MRPS9: variants seen among roughly 807,000 people sequenced by gnomAD.
The protein encoded by MRPS9 is mitochondrial ribosomal protein S9.
MRPS9 carries 45 observed loss-of-function variants against 59.9 expected under a neutral mutation model. That is an observed-to-expected ratio of 0.75 (90% CI 0.59 to 0.96). The LOEUF is 0.96. MRPS9 is among the 40% of genes least tolerant of loss of function. The pLI, the probability that MRPS9 is intolerant of heterozygous loss-of-function variation, is 0.00. For missense variants in MRPS9, 473 were observed against 481.1 expected (o/e 0.98, Z 0.16); for synonymous variants, 171 against 166.8 (o/e 1.03, Z -0.19).
intron 4 of MRPS9, among the ~76,000 whole-genome samples, chr2:105,072,984 C>A (rs1680141925): frequency 6.6e-6 from 1 of 152,096 alleles, no homozygotes; most frequent in Admixed American, 6.6e-5. Context: ...TAAAAATGCA[C>A]ATCACTTTTG....
At chr2:105,064,425 TGTGA>T (rs10610801) in intron 2 of MRPS9, among the ~76,000 whole-genome samples, 30,115 of 151,918 alleles carry the variant, frequency 0.2, 3,084 homozygotes, top group Middle Eastern at 0.35. Context: ...AGGACAGGAA[TGTGA>T]GTGAGAATTG....
intron 1 of MRPS9, among the ~76,000 whole-genome samples, chr2:105,042,727 C>G (rs1679523191): frequency 6.6e-6 from 1 of 152,218 alleles, no homozygotes; most frequent in African/African-American, 2.4e-5. Context: ...AACATTCTCA[C>G]TTTAACATCA....
intron 2 of MRPS9, among the ~76,000 whole-genome samples, chr2:105,052,305 T>G (rs962815614): frequency 6.6e-6 from 1 of 152,212 alleles, no homozygotes; most frequent in Non-Finnish European, 1.5e-5. Context: ...ATACCTAGTT[T>G]GTTGAACTTT....
At chr2:105,058,688 T>C (rs1016303292) in intron 2 of MRPS9, among the ~76,000 whole-genome samples, 4 of 150,756 alleles carry the variant, frequency 2.7e-5, no homozygotes, top group African/African-American at 9.8e-5. Flanking sequence ...CTTTTTTTTT[T>C]TTTTCGAGAC....
intron 2 of MRPS9, among the ~76,000 whole-genome samples, 177 bp from the exon 3 acceptor site, chr2:105,071,136 A>T (rs1016892653): frequency 3.9e-5 from 6 of 152,182 alleles, no homozygotes; most frequent in South Asian, 2.1e-4. Flanking sequence ...TAATAGTTAA[A>T]TTTTTTTCTT....
At chr2:105,063,292 A>G (rs2104449757) in intron 2 of MRPS9, among the ~76,000 whole-genome samples, 1 of 152,340 alleles carries the variant, frequency 6.6e-6, no homozygotes, top group Admixed American at 6.5e-5. Context: ...ACAAACAAAA[A>G]TTTATTAAAA....
Position 105,054,633 on chromosome 2 carries a change from T to C in MRPS9, c.315+5283T>C, listed in dbSNP as rs527744715. On this transcript the variant is annotated intron_variant, in intron 2 of 10. Transcript: ENST00000258455. ...ATAGCGGGCCCCTTTTGGTATCGCATTTTATTAAATATAGCGGGCCCCTTT... is the reference window on the plus strand; with the variant it reads ...ATAGCGGGCCCCTTTTGGTATCGCACTTTATTAAATATAGCGGGCCCCTTT... Among the ~76,000 whole-genome samples the C allele has an allele frequency of 4.5e-3, 623 of 137,800 alleles. 11 individuals are homozygous for C. Among genetic ancestry groups the C allele is most frequent in the African/African-American group, 0.016 (580 of 35,158 alleles). 90.4% of individuals were successfully genotyped at this position (137,800 alleles called of 152,430 possible).
Position 105,097,297 on chromosome 2 carries a change from G to A in MRPS9, c.1072G>A (p.Glu358Lys), listed in dbSNP as rs375392443. Reference protein sequence around the residue: ...MAKALCSFVTEDEVEWMRQAG... With the variant: ...MAKALCSFVTKDEVEWMRQAG... ...AAAAGCCTTGTGCAGCTTTGTCACC[G>A]AGGACGAGGTCGAGTGGATGAGACA... The change falls in exon 10 of 11, where the codon GAG becomes AAG. Residue 358 changes from glutamate (E) to lysine (K), a missense_variant. Physicochemically the swap from Glu to Lys is moderately conservative, Grantham distance 56 (BLOSUM62 1). Transcript: ENST00000258455. The A allele has an allele frequency of 1.9e-5, 31 of 1,610,222 alleles. No homozygotes were observed. Among genetic ancestry groups the A allele is most frequent in the South Asian group, 8.8e-5 (8 of 90,424 alleles).
In MRPS9 at chr2:105,079,818, C is replaced by T. The variant is rs56775896; in HGVS notation, c.410-165C>T. On this transcript the variant is annotated intron_variant, in intron 4 of 10. Coordinates refer to ENST00000258455, the MANE Select transcript of MRPS9 (RefSeq NM_182640.3). ...AAATATTTAATATCCTAAATATTTG[C>T]ATATAAATATGCTAAACTAAATATT... 4.0e-3 allele frequency among the ~76,000 whole-genome samples: 601 copies of T among 151,962 alleles called. 20 individuals are homozygous for T. In the East Asian group the frequency reaches 0.088, roughly 22 times the overall value.
Position 105,097,201 on chromosome 2 carries a change from C to A in MRPS9, c.976C>A (p.His326Asn). ...PFHFVDRLGK[H>N]DVTCTVSGGG... ...CCACTTTGTTGACCGGCTGGGAAAG[C>A]ACGACGTGACCTGCACAGTCTCAGG... The change falls in exon 10 of 11, where the codon CAC (histidine) becomes AAC (asparagine). Residue 326 changes from histidine to asparagine, a missense_variant. Coordinates refer to ENST00000258455, the MANE Select transcript of MRPS9 (RefSeq NM_182640.3). The A allele has an allele frequency of 6.2e-7, 1 of 1,602,264 alleles. No homozygotes were observed. The highest frequency in any genetic ancestry group is 1.7e-5 in the Admixed American group (1 of 57,880).
chr2:105,072,718 C>G (rs2104455368), intron 4 of MRPS9, among the ~76,000 whole-genome samples: 1 of 152,228 alleles, frequency 6.6e-6, no homozygotes, highest in African/African-American at 2.4e-5. Flanking sequence ...GCAGATATTT[C>G]TATAGAAGAC....
chr2:105,066,859 A>G (rs1306411345), intron 2 of MRPS9, among the ~76,000 whole-genome samples: 1 of 152,204 alleles, frequency 6.6e-6, no homozygotes, highest in Non-Finnish European at 1.5e-5. Context: ...TTGCTGAGAC[A>G]GGTTGTGTTT....
chr2:105,082,659 TAC>T (rs927979064), intron 5 of MRPS9, among the ~76,000 whole-genome samples: 3 of 152,062 alleles, frequency 2.0e-5, no homozygotes, highest in Admixed American at 1.3e-4. Flanking sequence ...AAATATAAGG[TAC>T]AGTTTATTGT....
chr2:105,060,618 G>A (rs1679883403), intron 2 of MRPS9, among the ~76,000 whole-genome samples: 1 of 152,174 alleles, frequency 6.6e-6, no homozygotes, highest in Admixed American at 6.5e-5. Flanking sequence ...GGACTCAGGA[G>A]ATCAGCTCAT....
chr2:105,051,988 A>G (rs893823029), intron 2 of MRPS9, among the ~76,000 whole-genome samples: 1 of 152,216 alleles, frequency 6.6e-6, no homozygotes, highest in African/African-American at 2.4e-5. Context: ...ATAGAAGGGT[A>G]TAGCAGGATA....
At position 105,041,560 on chromosome 2, in the gene MRPS9, A is replaced by T. The variant is rs190484239; in HGVS notation, c.135+3333A>T. 6.9e-4 allele frequency among the ~76,000 whole-genome samples: 104 copies of T among 150,360 alleles called. 1 individual carries two copies. The highest frequency in any genetic ancestry group is 2.4e-3 in the African/African-American group (99 of 40,880). On this transcript the variant is annotated intron_variant, in intron 1 of 10. Coordinates refer to ENST00000258455, the MANE Select transcript of MRPS9 (RefSeq NM_182640.3). ...TTTTTTTAATCTCTCATGCTTCTGG[A>T]GGTTATAATATCCTGTATTTATCAC...
At chr2:105,080,096 G>T in intron 5 of MRPS9, 34 bp downstream of exon 5, 1 of 1,444,558 alleles carries the variant, frequency 6.9e-7, no homozygotes, top group Non-Finnish European at 9.6e-7. Context: ...AATAATATGA[G>T]CTGTAAGCTA....
At chr2:105,060,327 G>T (rs753731424) in intron 2 of MRPS9, among the ~76,000 whole-genome samples, 1 of 152,178 alleles carries the variant, frequency 6.6e-6, no homozygotes, top group Non-Finnish European at 1.5e-5. Context: ...TGTTGCCCAG[G>T]CTGGAGTGTA....
At position 105,097,186 on chromosome 2, in the gene MRPS9, G is replaced by A. The variant is rs1376102668; in HGVS notation, c.961G>A (p.Asp321Asn). Residue 321 changes from aspartate (D) to asparagine (N), a missense_variant, in exon 10 of 11, where the codon GAC becomes AAC. Coordinates refer to ENST00000258455, the MANE Select transcript of MRPS9 (RefSeq NM_182640.3). Reference sequence around the variant, plus strand: ...GCTGATGTTCCCTTTCCACTTTGTTGACCGGCTGGGAAAGCACGACGTGAC... The same window carrying A: ...GCTGATGTTCCCTTTCCACTTTGTTAACCGGCTGGGAAAGCACGACGTGAC... ...EQLMFPFHFV[D>N]RLGKHDVTCT... The A allele has an allele frequency of 6.3e-7, 1 of 1,591,856 alleles. No homozygotes were observed. The highest frequency in any genetic ancestry group is 1.8e-5 in the Admixed American group (1 of 56,502).
Sources: allele counts gnomAD v4.1 joint callset (sites outside exome capture counted in the v4.1 genomes callset), GRCh38; gene constraint gnomAD v4.1.1; transcripts MANE v1.5; gene names NCBI Gene and HGNC (gene_info 2026-07-23, HGNC 2026-07-21).